The following INPP4B variants were observed in gnomAD, a reference collection of about 807,000 sequenced individuals.
The protein encoded by INPP4B is inositol polyphosphate-4-phosphatase type II B.
Under a neutral mutation model 122.5 loss-of-function variants are expected in INPP4B, and 55 were observed. That is an observed-to-expected ratio of 0.45 (90% CI 0.36 to 0.56). The LOEUF is 0.56. INPP4B is among the 20% of genes least tolerant of loss of function. The pLI is 0.00. For synonymous variants in INPP4B, 403 were observed against 388.7 expected (o/e 1.04, Z -0.43); for missense variants, 1,000 against 1,097.7 (o/e 0.91, Z 1.26).
chr4:142,173,157 A>C (rs1219267), intron 16 of INPP4B, among the ~76,000 whole-genome samples: 12 of 151,852 alleles, frequency 7.9e-5, no homozygotes. Context: ...CGGTAAATAA[A>C]GTTGTAGAGA....
chr4:142,227,118 G>A (rs1851909744), intron 12 of INPP4B, among the ~76,000 whole-genome samples: 1 of 152,120 alleles, frequency 6.6e-6, no homozygotes. Context: ...CCATGGCAGT[G>A]GATGCAACTG....
chr4:142,689,026 C>A (rs1231037606), intron 2 of INPP4B, among the ~76,000 whole-genome samples: 1 of 152,018 alleles, frequency 6.6e-6, no homozygotes, highest in Non-Finnish European at 1.5e-5. Flanking sequence ...TTTTCTAACC[C>A]CCTATCCACC....
intron 19 of INPP4B, among the ~76,000 whole-genome samples, chr4:142,123,886 A>G (rs905998029): frequency 6.6e-6 from 1 of 152,128 alleles, no homozygotes; most frequent in Non-Finnish European, 1.5e-5. Flanking sequence ...AGTGGGGGAA[A>G]GCGACAGTTT....
At chr4:142,414,384 C>T (rs1805244394) in intron 5 of INPP4B, among the ~76,000 whole-genome samples, 1 of 152,002 alleles carries the variant, frequency 6.6e-6, no homozygotes, top group Non-Finnish European at 1.5e-5. Context: ...CACCCAGTAC[C>T]AATTCTCAAT....
chr4:142,433,662 A>G (rs1357185132), intron 3 of INPP4B, among the ~76,000 whole-genome samples: 1 of 152,232 alleles, frequency 6.6e-6, no homozygotes, highest in Non-Finnish European at 1.5e-5. Flanking sequence ...AATTGGAGAC[A>G]TTACATAATG....
At chr4:142,196,004 A>T (rs115260920) in intron 14 of INPP4B, among the ~76,000 whole-genome samples, 2,733 of 152,296 alleles carry the variant, frequency 0.018, 31 homozygotes, top group Non-Finnish European at 0.03. Flanking sequence ...CTCACTGCTC[A>T]TGAGAATTCT....
chr4:142,386,622 C>T (rs1796049130), intron 7 of INPP4B, among the ~76,000 whole-genome samples: 1 of 152,136 alleles, frequency 6.6e-6, no homozygotes. Context: ...AAGGCAAATG[C>T]CGAGCTGTAA....
chr4:142,190,952 C>G (rs180786087), intron 15 of INPP4B, among the ~76,000 whole-genome samples: 122 of 152,140 alleles, frequency 8.0e-4, no homozygotes, highest in African/African-American at 2.7e-3. Flanking sequence ...CAACAGGATT[C>G]TGACTACCCT....
intron 9 of INPP4B, among the ~76,000 whole-genome samples, chr4:142,271,047 T>A (rs1380610688): frequency 1.3e-5 from 2 of 151,684 alleles, no homozygotes; most frequent in Non-Finnish European, 2.9e-5. Flanking sequence ...CACCACAACC[T>A]CCACCTCCCA....
At chr4:142,034,780 C>A (rs960221627) in intron 25 of INPP4B, among the ~76,000 whole-genome samples, 6 of 152,138 alleles carry the variant, frequency 3.9e-5, no homozygotes, top group African/African-American at 1.4e-4. Flanking sequence ...CTCATTCTTA[C>A]CCTTGTTACT....
intron 21 of INPP4B, among the ~76,000 whole-genome samples, chr4:142,116,529 T>A (rs548681386): frequency 6.6e-6 from 1 of 151,992 alleles, no homozygotes; most frequent in African/African-American, 2.4e-5. Flanking sequence ...TGCTTGACTA[T>A]GTGGAAACTG....
intron 2 of INPP4B, among the ~76,000 whole-genome samples, chr4:142,565,578 C>T (rs925336340): frequency 2.0e-5 from 3 of 152,084 alleles, no homozygotes; most frequent in Non-Finnish European, 4.4e-5. Flanking sequence ...AGAAAATTAC[C>T]ATTTGGCAAA....
At chr4:142,442,549 TG>T in intron 3 of INPP4B, among the ~76,000 whole-genome samples, 1 of 152,236 alleles carries the variant, frequency 6.6e-6, no homozygotes, top group South Asian at 2.1e-4. Context: ...AAAATATATT[TG>T]TCACATAGAA....
intron 1 of INPP4B, among the ~76,000 whole-genome samples, chr4:142,735,870 A>G (rs331941): frequency 0.71 from 107,721 of 151,486 alleles, 40,142 homozygotes; most frequent in East Asian, 0.97. Flanking sequence ...ATTTAAAGTA[A>G]TTATTATCGC....
At chr4:142,756,450 G>A (rs1239707532) in intron 1 of INPP4B, among the ~76,000 whole-genome samples, 1 of 151,964 alleles carries the variant, frequency 6.6e-6, no homozygotes. Flanking sequence ...TCCCAACTAA[G>A]CTACAGCAAT....
At chr4:142,305,163 C>T (rs1395223222) in intron 9 of INPP4B, among the ~76,000 whole-genome samples, 1 of 152,094 alleles carries the variant, frequency 6.6e-6, no homozygotes, top group African/African-American at 2.4e-5. Flanking sequence ...TATTTAATAA[C>T]ATGATCATAA....
At chr4:142,213,346 T>C (rs1845682255) in intron 12 of INPP4B, among the ~76,000 whole-genome samples, 1 of 152,166 alleles carries the variant, frequency 6.6e-6, no homozygotes, top group Non-Finnish European at 1.5e-5. Context: ...GTTTCTGGCA[T>C]TTAATAGTTA....
chr4:142,487,510 T>G (rs57682957), intron 2 of INPP4B, among the ~76,000 whole-genome samples: 3,265 of 152,256 alleles, frequency 0.021, 117 homozygotes, highest in African/African-American at 0.073. Flanking sequence ...TGTCAGTATT[T>G]TGATTGAAAT....
chr4:142,604,764 G>T (rs1261856977), intron 2 of INPP4B, among the ~76,000 whole-genome samples: 1 of 152,030 alleles, frequency 6.6e-6, no homozygotes, highest in African/African-American at 2.4e-5. Flanking sequence ...TGAATTGGAA[G>T]GATTAACATT....
Sources: allele counts gnomAD v4.1 joint callset (sites outside exome capture counted in the v4.1 genomes callset), GRCh38; gene constraint gnomAD v4.1.1; transcripts MANE v1.5; gene names NCBI Gene and HGNC (gene_info 2026-07-23, HGNC 2026-07-21).